ETV6: variants seen among roughly 807,000 people sequenced by gnomAD.
ETV6 encodes transcription factor ETV6.
ETV6 carries 16 observed loss-of-function variants against 51.1 expected under a neutral mutation model. The ratio of observed to expected loss-of-function variants is 0.31; its 90% CI spans 0.21 to 0.48. The LOEUF (loss-of-function observed/expected upper bound fraction) is 0.48, where lower values mean the gene tolerates loss of function less well. ETV6 is among the 20% of genes least tolerant of loss of function. The pLI, the probability that ETV6 is intolerant of heterozygous loss-of-function variation, is 0.99. For synonymous variants in ETV6, 240 were observed against 224.1 expected (o/e 1.07, Z -0.64); for missense variants, 458 against 594.8 (o/e 0.77, Z 2.39).
At chr12:11,656,320 A>G (rs960804221) in intron 1 of ETV6, among the ~76,000 whole-genome samples, 3 of 152,228 alleles carry the variant, frequency 2.0e-5, no homozygotes, top group African/African-American at 4.8e-5. Context: ...AGTATTTTCT[A>G]TGAGGGCATT....
At chr12:11,834,094 A>G (rs774304494) in intron 2 of ETV6, among the ~76,000 whole-genome samples, 2 of 152,366 alleles carry the variant, frequency 1.3e-5, no homozygotes, top group South Asian at 2.1e-4. Flanking sequence ...GTAAGGGTCT[A>G]CAAACTGCAG....
rs144736080 is a variant in ETV6, at chr12:11,861,002, T to C, written c.463+7441T>C. On this transcript the variant is annotated intron_variant, in intron 4 of 7. Transcript: ENST00000396373. ...CATTTAAAGTGCCAGTCTTCATTACTCTCAGAACACGGCCTGTTTGGAAGT... is the reference window on the plus strand; with the variant it reads ...CATTTAAAGTGCCAGTCTTCATTACCCTCAGAACACGGCCTGTTTGGAAGT... 9.9e-3 allele frequency among the ~76,000 whole-genome samples: 1,515 copies of C among 152,306 alleles called. 31 individuals are homozygous for C. Among genetic ancestry groups the C allele is most frequent in the African/African-American group, 0.035 (1,453 of 41,552 alleles).
chr12:11,666,111 C>T (rs1864189474), intron 1 of ETV6, among the ~76,000 whole-genome samples: 1 of 152,116 alleles, frequency 6.6e-6, no homozygotes, highest in African/African-American at 2.4e-5. Context: ...TGGCAGGTCA[C>T]CACCGTATGG....
At chr12:11,785,740 T>A (rs1945475225) in intron 2 of ETV6, among the ~76,000 whole-genome samples, 1 of 152,244 alleles carries the variant, frequency 6.6e-6, no homozygotes, top group South Asian at 2.1e-4. Flanking sequence ...AGTAGAAGTA[T>A]GTCACTAAGC....
chr12:11,669,777 C>A (rs1428752140), intron 1 of ETV6, among the ~76,000 whole-genome samples: 1 of 152,116 alleles, frequency 6.6e-6, no homozygotes, highest in African/African-American at 2.4e-5. Flanking sequence ...CTTGGTCCTG[C>A]CTCATTTTAT....
chr12:11,717,991 A>G (rs1008611354), intron 1 of ETV6, among the ~76,000 whole-genome samples: 1 of 151,838 alleles, frequency 6.6e-6, no homozygotes, highest in Non-Finnish European at 1.5e-5. Context: ...GCTGAAAAGA[A>G]CAAACAGAAT....
At chr12:11,737,468 A>G (rs1177203904) in intron 1 of ETV6, among the ~76,000 whole-genome samples, 1 of 152,214 alleles carries the variant, frequency 6.6e-6, no homozygotes, top group Admixed American at 6.5e-5. Context: ...GGAGATTTTT[A>G]TTCTATCAGT....
At chr12:11,760,194 G>T (rs1279710345) in intron 2 of ETV6, among the ~76,000 whole-genome samples, 1 of 152,194 alleles carries the variant, frequency 6.6e-6, no homozygotes, top group African/African-American at 2.4e-5. Flanking sequence ...TAGTCACACT[G>T]CCCCAATATT....
chr12:11,718,139 G>T (rs1473993382), intron 1 of ETV6, among the ~76,000 whole-genome samples: 1 of 152,250 alleles, frequency 6.6e-6, no homozygotes, highest in South Asian at 2.1e-4. Flanking sequence ...AAAACTAGTG[G>T]TCCAAAGTGG....
At chr12:11,738,082 T>A (rs1292875783) in intron 1 of ETV6, among the ~76,000 whole-genome samples, 1 of 152,112 alleles carries the variant, frequency 6.6e-6, no homozygotes, top group Non-Finnish European at 1.5e-5. Flanking sequence ...CTTGGGTGTA[T>A]CTTACCATGT....
chr12:11,752,694 G>A (rs928123104), intron 2 of ETV6, 115 bp downstream of exon 2: 15 of 1,332,770 alleles, frequency 1.1e-5, no homozygotes, highest in South Asian at 4.7e-5. Context: ...ACAGGACTTC[G>A]CCACGCTGCT....
chr12:11,803,269 T>G (rs1233486779), intron 2 of ETV6, among the ~76,000 whole-genome samples: 1 of 152,176 alleles, frequency 6.6e-6, no homozygotes, highest in Non-Finnish European at 1.5e-5. Flanking sequence ...ACATTGCAAA[T>G]TAGGGAAGAA....
chr12:11,831,193 GTGTGTGTGTGTCTGTGTCTGTGTGTGTC>G (rs1565543117), intron 2 of ETV6, among the ~76,000 whole-genome samples: 1 of 152,110 alleles, frequency 6.6e-6, no homozygotes, highest in Non-Finnish European at 1.5e-5. Flanking sequence ...AATAGTTTGT[GTGTGTGTGTGTCTGTGTCTGTGTGTGTC>G]TGTGTGTGTG....
intron 2 of ETV6, among the ~76,000 whole-genome samples, chr12:11,758,724 C>T (rs189249289): frequency 1.6e-3 from 240 of 152,332 alleles, no homozygotes; most frequent in Admixed American, 4.2e-3. Flanking sequence ...CAAAAATGGC[C>T]TCTCCTCACA....
At chr12:11,876,201 T>C (rs1273339746) in intron 5 of ETV6, among the ~76,000 whole-genome samples, 1 of 152,208 alleles carries the variant, frequency 6.6e-6, no homozygotes, top group Non-Finnish European at 1.5e-5. Context: ...GTTACGATAA[T>C]ATCATTAACA....
intron 2 of ETV6, among the ~76,000 whole-genome samples, chr12:11,803,093 A>G (rs564201096): frequency 5.9e-4 from 90 of 152,318 alleles, no homozygotes; most frequent in African/African-American, 2.1e-3. Context: ...TTACTTTCTA[A>G]AATGACTGGA....
Position 11,649,976 on chromosome 12 carries a change from G to C in ETV6, c.-152G>C. ...CCGGCCGCCCCGCCCCGCCCCGCGCGCTCCAGACCCCCGGGGCGGCTGCCG... is the reference window on the plus strand; with the variant it reads ...CCGGCCGCCCCGCCCCGCCCCGCGCCCTCCAGACCCCCGGGGCGGCTGCCG... On this transcript the variant is annotated 5_prime_UTR_variant, in exon 1 of 8. Coordinates refer to ENST00000396373, the MANE Select transcript of ETV6 (RefSeq NM_001987.5). 3.6e-6 allele frequency: 2 copies of C among 559,722 alleles called. No homozygotes were observed. Among genetic ancestry groups the C allele is most frequent in the Admixed American group, 3.1e-5 (1 of 31,898 alleles). 34.7% of individuals were successfully genotyped at this position (559,722 alleles called of 1,614,324 possible).
At chr12:11,663,667 A>C (rs569515799) in intron 1 of ETV6, among the ~76,000 whole-genome samples, 1 of 152,186 alleles carries the variant, frequency 6.6e-6, no homozygotes, top group Non-Finnish European at 1.5e-5. Context: ...AGCTGTTTCT[A>C]AGAGCATCTC....
intron 1 of ETV6, among the ~76,000 whole-genome samples, chr12:11,746,990 C>T (rs1202689861): frequency 6.6e-6 from 1 of 152,096 alleles, no homozygotes; most frequent in African/African-American, 2.4e-5. Flanking sequence ...GAATATCTCA[C>T]GTCCTGAACC....
Sources: gnomAD v4.1 joint callset for allele counts (sites outside exome capture counted in the v4.1 genomes callset) on GRCh38, gnomAD v4.1.1 for gene constraint, MANE v1.5 for transcripts, NCBI Gene and HGNC (gene_info 2026-07-23, HGNC 2026-07-21) for gene names.